Variants in WWP1 observed in about 807,000 individuals in gnomAD.
WWP1 encodes the protein WW domain containing E3 ubiquitin protein ligase 1.
Under a neutral mutation model 130.6 loss-of-function variants are expected in WWP1, and 49 were observed. That is an observed-to-expected ratio of 0.38 (90% CI 0.30 to 0.48). The LOEUF (loss-of-function observed/expected upper bound fraction) is 0.48, where lower values mean the gene tolerates loss of function less well. Among genes scored for constraint, WWP1 ranks in the 20% least tolerant of loss-of-function variants. The pLI is 0.99. For synonymous variants in WWP1, 332 were observed against 367.8 expected, an observed-to-expected ratio of 0.90 and a Z score of 1.11; for missense variants, 809 against 1,100.6, an observed-to-expected ratio of 0.74 and a Z score of 3.75.
At chr8:86,423,553 A>T (rs1422851254) in intron 9 of WWP1, among the ~76,000 whole-genome samples, 1 of 152,230 alleles carries the variant, frequency 6.6e-6, no homozygotes, top group African/African-American at 2.4e-5. Context: ...AAGGTCATAG[A>T]TCAACAGCAT....
intron 14 of WWP1, among the ~76,000 whole-genome samples, chr8:86,432,337 G>A (rs62510798): frequency 0.32 from 48,266 of 151,906 alleles, 9,210 homozygotes; most frequent in Middle Eastern, 0.45. Flanking sequence ...ATATCTGTCC[G>A]TCTCCTACCA....
At chr8:86,384,899 C>T in intron 5 of WWP1, among the ~76,000 whole-genome samples, 1 of 152,076 alleles carries the variant, frequency 6.6e-6, no homozygotes. Context: ...AGGCATGTGC[C>T]TGTAGTCCCA....
rs547322686 is a variant in WWP1, at chr8:86,424,218, C to T, written c.1062-1005C>T. Among the ~76,000 whole-genome samples the T allele has an allele frequency of 3.3e-3, 489 of 150,080 alleles. 3 individuals are homozygous for T. Among genetic ancestry groups the T allele is most frequent in the African/African-American group, 0.011 (448 of 40,504 alleles). ...TCACATCCCAGACGGGGCGGCGGGG[C>T]AGAGGCGCTCCCCACATCTCAGACG... On this transcript the variant is annotated intron_variant, in intron 9 of 24. Coordinates refer to ENST00000517970, the MANE Select transcript of WWP1 (RefSeq NM_007013.4).
At chr8:86,463,601 C>T (rs979214769) in intron 24 of WWP1, among the ~76,000 whole-genome samples, 4 of 151,838 alleles carry the variant, frequency 2.6e-5, no homozygotes, top group African/African-American at 7.2e-5. Context: ...CCACCATGCC[C>T]GGCCAATTAG....
intron 1 of WWP1, among the ~76,000 whole-genome samples, chr8:86,360,289 A>G (rs1369837845): frequency 6.6e-6 from 1 of 152,146 alleles, no homozygotes; most frequent in Non-Finnish European, 1.5e-5. Flanking sequence ...CTACCTTTCC[A>G]TGAAAATTGC....
chr8:86,391,086 A>C (rs1807308709), intron 5 of WWP1, among the ~76,000 whole-genome samples: 1 of 152,124 alleles, frequency 6.6e-6, no homozygotes. Context: ...CATATACATA[A>C]ATAAACCCCC....
At chr8:86,399,054 A>G (rs1240272331) in intron 7 of WWP1, among the ~76,000 whole-genome samples, 1 of 152,174 alleles carries the variant, frequency 6.6e-6, no homozygotes, top group Non-Finnish European at 1.5e-5. Context: ...GGATTCATAT[A>G]ATATGTGACC....
intron 17 of WWP1, among the ~76,000 whole-genome samples, chr8:86,439,248 C>T (rs1810466260): frequency 6.7e-6 from 1 of 149,104 alleles, no homozygotes; most frequent in Non-Finnish European, 1.5e-5. Context: ...GAGGGTAAGG[C>T]AGGAGAATGG....
intron 1 of WWP1, among the ~76,000 whole-genome samples, chr8:86,352,887 G>T (rs912033537): frequency 1.3e-5 from 2 of 152,126 alleles, no homozygotes; most frequent in East Asian, 1.9e-4. Flanking sequence ...CATTTCCTCC[G>T]TACTTCTTTC....
At chr8:86,388,159 CTTT>C (rs757352807) in intron 5 of WWP1, among the ~76,000 whole-genome samples, 1 of 139,556 alleles carries the variant, frequency 7.2e-6, no homozygotes, top group Non-Finnish European at 1.6e-5. Context: ...TTATCTCTGC[CTTT>C]TTTTTTTTTT....
intron 18 of WWP1, among the ~76,000 whole-genome samples, chr8:86,446,767 G>T (rs1795439550): frequency 6.6e-6 from 1 of 152,142 alleles, no homozygotes; most frequent in African/African-American, 2.4e-5. Context: ...AGAGGATAAA[G>T]AATTTGATAA....
intron 24 of WWP1, among the ~76,000 whole-genome samples, chr8:86,464,838 A>G (rs1372156521): frequency 1.3e-5 from 2 of 152,156 alleles, no homozygotes; most frequent in Admixed American, 6.5e-5. Context: ...TTTAAGAGTG[A>G]AAAGGAGTCC....
chr8:86,404,822 C>T lies in WWP1; in HGVS notation c.724+2619C>T, dbSNP rs150768511. On this transcript the variant is annotated intron_variant, in intron 8 of 24. Transcript: ENST00000517970. ...AGTAGAAGAACTGTAATTGACATTC[C>T]GCTATCTGGCTGTTGATTCTGTGCA... is the stretch of plus-strand genomic sequence containing the variant. 4.2e-4 allele frequency among the ~76,000 whole-genome samples: 64 copies of T among 152,298 alleles called. 1 individual carries two copies. The highest frequency in any genetic ancestry group is 1.4e-3 in the African/African-American group (59 of 41,556).
intron 8 of WWP1, among the ~76,000 whole-genome samples, chr8:86,406,841 A>C (rs921524892): frequency 5.9e-5 from 9 of 152,232 alleles, no homozygotes; most frequent in African/African-American, 2.2e-4. Context: ...TGTATATGCA[A>C]GCAGTCATTT....
At chr8:86,428,379 A>AAAAAC (rs886245424) in intron 11 of WWP1, among the ~76,000 whole-genome samples, 3 of 152,216 alleles carry the variant, frequency 2.0e-5, no homozygotes, top group African/African-American at 7.2e-5. Flanking sequence ...GAGGAGTGGA[A>AAAAAC]AAAACAAAAC....
At chr8:86,386,866 G>A (rs2130400158) in intron 5 of WWP1, 1 of 152,318 alleles carries the variant, frequency 6.6e-6, no homozygotes, top group South Asian at 2.1e-4. Context: ...AGATCAAGAT[G>A]CCAGCAGGTT....
rs555995450 is a variant in WWP1, at chr8:86,398,593, A to G, written c.494A>G (p.Asp165Gly). ...SPTIEIQENG[D>G]ALHENGEPSA... ...TCAGTAGAAATACAGGAAAATGGTG[A>G]TGCCTTACATGAAAATGGAGAGCCT... is the stretch of plus-strand genomic sequence containing the variant. The change falls in exon 7 of 25, where the codon GAT (aspartate) becomes GGT (glycine). Residue 165 changes from aspartate to glycine, a missense_variant. Coordinates refer to ENST00000517970, the MANE Select transcript of WWP1 (RefSeq NM_007013.4). The G allele has an allele frequency of 1.2e-4, 189 of 1,612,864 alleles. 4 individuals carry two copies. In the South Asian group the frequency reaches 2.0e-3, roughly 17 times the overall value.
At chr8:86,436,315 T>C (rs1810288138) in intron 16 of WWP1, among the ~76,000 whole-genome samples, 1 of 152,222 alleles carries the variant, frequency 6.6e-6, no homozygotes, top group Non-Finnish European at 1.5e-5. Context: ...TAAAATTAAA[T>C]TGGTAGATAC....
chr8:86,427,427 G>A (rs950729339), intron 10 of WWP1, among the ~76,000 whole-genome samples: 4 of 152,038 alleles, frequency 2.6e-5, no homozygotes, highest in African/African-American at 9.7e-5. Context: ...GCAAACTCTT[G>A]TAGTGCAGGA....
Sources: gnomAD v4.1 joint callset for allele counts (sites outside exome capture counted in the v4.1 genomes callset) on GRCh38, gnomAD v4.1.1 for gene constraint, MANE v1.5 for transcripts, NCBI Gene and HGNC (gene_info 2026-07-23, HGNC 2026-07-21) for gene names.